The following COPS7A variants were observed in gnomAD, a reference collection of about 807,000 sequenced individuals.
The protein encoded by COPS7A is COP9 signalosome complex subunit 7a.
A neutral mutation model predicts 35.2 loss-of-function variants in COPS7A; 20 were observed. The observed-to-expected ratio is 0.57, with a 90% CI of 0.40 to 0.83. The LOEUF (loss-of-function observed/expected upper bound fraction) is 0.83, where lower values mean the gene tolerates loss of function less well. Ranked by LOEUF, COPS7A falls within the 40% of genes least tolerant of loss-of-function variation. COPS7A has a pLI of 0.00. For synonymous variants in COPS7A, 139 were observed against 141.4 expected (o/e 0.98, Z 0.12); for missense variants, 247 against 347.5 (o/e 0.71, Z 2.30).
chr12:6,728,778 C>T (rs933146707), intron 4 of COPS7A, among the ~76,000 whole-genome samples: 1 of 152,182 alleles, frequency 6.6e-6, no homozygotes, highest in Non-Finnish European at 1.5e-5. Context: ...TCTCAGTTGT[C>T]CTTGGGATTT....
chr12:6,724,967 A>G, intron 2 of COPS7A, 149 bp downstream of exon 2: 2 of 825,358 alleles, frequency 2.4e-6, no homozygotes, highest in Non-Finnish European at 3.8e-6. Context: ...AGAAGTAACC[A>G]GTGAACAAGC....
At chr12:6,725,361 G>T (rs367946776) in intron 2 of COPS7A, among the ~76,000 whole-genome samples, 1 of 152,050 alleles carries the variant, frequency 6.6e-6, no homozygotes, top group Non-Finnish European at 1.5e-5. Flanking sequence ...ATTTCACTGT[G>T]TTAGCCAGGA....
chr12:6,729,523 A>G lies in COPS7A; in HGVS notation c.530+74A>G. On this transcript the variant is annotated intron_variant, in intron 5 of 7. Transcript: ENST00000543155. This position sits in a 1 kb window ranked among gnomAD's most constrained non-coding sequence, Gnocchi z 4.2. ...AAGGCGCTTCAGGGTGAGAGAGGGC[A>G]GGAGCTGGGCTGGTCCGCAGAGGTG... is the stretch of plus-strand genomic sequence containing the variant. 1 of 1,469,554 alleles carries G rather than the reference A, an allele frequency of 6.8e-7. No individual in the cohort carries two copies. The highest frequency in any genetic ancestry group is 9.3e-7 in the Non-Finnish European group (1 of 1,079,024). The allele number at this position is 1,469,554 out of a possible 1,614,324, so 91.0% of individuals were successfully genotyped here. A position where few individuals can be genotyped will look rare whatever the true frequency, so the allele number is the denominator to read the frequency against.
chr12:6,728,769 C>T (rs1941318985), intron 4 of COPS7A, among the ~76,000 whole-genome samples: 1 of 152,208 alleles, frequency 6.6e-6, no homozygotes, highest in African/African-American at 2.4e-5. Context: ...TTACTTGACT[C>T]TCAGTTGTCC....
At position 6,731,331 on chromosome 12, in the gene COPS7A, A is replaced by G. The variant is rs748496068; in HGVS notation, c.*292A>G. The G allele has an allele frequency of 8.5e-6, 12 of 1,413,474 alleles. No homozygotes were observed. Among genetic ancestry groups the G allele is most frequent in the East Asian group, 2.5e-5 (1 of 39,398 alleles). The allele number at this position is 1,413,474 out of a possible 1,614,324, so 87.6% of individuals were successfully genotyped here. A position where few individuals can be genotyped will look rare whatever the true frequency, so the allele number is the denominator to read the frequency against. ...CTCAGCATCTGTCCCTGTTCATTAC[A>G]TGTCATTGAGTAGGTGGGTAGCCCT... On this transcript the variant is annotated 3_prime_UTR_variant, in exon 8 of 8. Coordinates refer to ENST00000543155, the MANE Select transcript of COPS7A (RefSeq NM_001164094.2).
Position 6,726,695 on chromosome 12 carries a change from A to T in COPS7A, c.163-1231A>T, listed in dbSNP as rs182983310. Among the ~76,000 whole-genome samples, 660 of 150,630 alleles carry T rather than the reference A, an allele frequency of 4.4e-3. 5 individuals are homozygous for T. Among genetic ancestry groups the T allele is most frequent in the Non-Finnish European group, 7.0e-3 (472 of 67,686 alleles). Reference sequence around the variant, plus strand: ...TTAAAAAAAAAAAAAAGGGAGGCGGAGGTTGCAGTGAGCCGAGGTCGCGCC... The same window carrying T: ...TTAAAAAAAAAAAAAAGGGAGGCGGTGGTTGCAGTGAGCCGAGGTCGCGCC... On this transcript the variant is annotated intron_variant, in intron 2 of 7. Coordinates refer to ENST00000543155, the MANE Select transcript of COPS7A (RefSeq NM_001164094.2).
At position 6,731,270 on chromosome 12, in the gene COPS7A, C is replaced by G; in HGVS notation, c.*231C>G. ...TGTGACTTCATGTGTTCCATTGCTC[C>G]CCGCTGCCATGCTCTCTCCCTTGTT... On this transcript the variant is annotated 3_prime_UTR_variant, in exon 8 of 8. Transcript: ENST00000543155. 6.9e-7 allele frequency: 1 copy of G among 1,443,190 alleles called. No individual in the cohort carries two copies. The highest frequency in any genetic ancestry group is 9.1e-7 in the Non-Finnish European group (1 of 1,100,604). The allele number at this position is 1,443,190 out of a possible 1,614,324, so 89.4% of individuals were successfully genotyped here.
chr12:6,730,575 A>G (rs929949885), intron 6 of COPS7A, 68 bp downstream of exon 6: 11 of 1,611,528 alleles, frequency 6.8e-6, no homozygotes, highest in Non-Finnish European at 8.5e-6. Flanking sequence ...TTGCAGAGAG[A>G]ATTTGGACAG....
intron 2 of COPS7A, among the ~76,000 whole-genome samples, chr12:6,726,119 C>T (rs1941246283): frequency 2.0e-5 from 3 of 151,880 alleles, no homozygotes; most frequent in Admixed American, 1.3e-4. Context: ...TGGAGACCAT[C>T]CTGGCTAACA....
chr12:6,726,958 C>T (rs1052443949), intron 2 of COPS7A, among the ~76,000 whole-genome samples: 2 of 152,196 alleles, frequency 1.3e-5, no homozygotes, highest in Non-Finnish European at 2.9e-5. Flanking sequence ...TACTGCATAG[C>T]TCTGTGGGAT....
rs1448661611 is a variant in COPS7A, at chr12:6,729,809, C to G, written c.530+360C>G. 6.6e-6 allele frequency among the ~76,000 whole-genome samples: 1 copy of G among 152,124 alleles called. No homozygotes were observed. Among genetic ancestry groups the G allele is most frequent in the Non-Finnish European group, 1.5e-5 (1 of 68,022 alleles). On this transcript the variant is annotated intron_variant, in intron 5 of 7. Transcript: ENST00000543155. The surrounding 1 kb of genome is among the most constrained non-coding windows in gnomAD (Gnocchi z 4.2). ...CCTCTTTTTTATTTTCTTTGTGTCC[C>G]CATCTAACTTCAGGGTTTCTGTATT...
Position 6,731,167 on chromosome 12 carries a change from T to C in COPS7A, c.*128T>C, listed in dbSNP as rs1941386934. ...TAGGTTCATGACCCTTCACCTCCCCTAACCCCAAACATAGATCACACCTTC... is the reference window on the plus strand; with the variant it reads ...TAGGTTCATGACCCTTCACCTCCCCCAACCCCAAACATAGATCACACCTTC... On this transcript the variant is annotated 3_prime_UTR_variant, in exon 8 of 8. Transcript: ENST00000543155. The C allele has an allele frequency of 6.3e-7, 1 of 1,581,618 alleles. No homozygotes were observed. The highest frequency in any genetic ancestry group is 8.6e-7 in the Non-Finnish European group (1 of 1,162,312).
chr12:6,724,336 C>T (rs1309958754), intron 1 of COPS7A, 157 bp downstream of exon 1: 3 of 460,430 alleles, frequency 6.5e-6, no homozygotes, highest in Admixed American at 2.7e-5. Context: ...TCAGGGTGGA[C>T]ACCATGCGAC....
intron 7 of COPS7A, 36 bp from the exon 8 acceptor site, chr12:6,730,964 C>A: frequency 6.3e-7 from 1 of 1,576,122 alleles, no homozygotes; most frequent in South Asian, 1.1e-5. Flanking sequence ...CCTGCATTCT[C>A]TCTCTCTCTC....
In COPS7A at chr12:6,730,519, G is replaced by C; in HGVS notation, c.636+12G>C. 1.2e-6 allele frequency: 2 copies of C among 1,613,962 alleles called. No individual in the cohort carries two copies. The highest frequency in any genetic ancestry group is 1.7e-6 in the Non-Finnish European group (2 of 1,179,892). On this transcript the variant is annotated intron_variant, in intron 6 of 7. Transcript: ENST00000543155. The stretch of plus-strand genomic sequence containing the variant: ...AGATTGAGAGTGAGGTGAGCAGTCA[G>C]GGGAGCAGGCAGACCCAAACTCCTC...
chr12:6,725,848 C>G, intron 2 of COPS7A: 1 of 456,084 alleles, frequency 2.2e-6, no homozygotes, highest in Middle Eastern at 3.3e-4. Context: ...CTGACTTTTC[C>G]CTGCTTTCAT....
intron 2 of COPS7A, chr12:6,726,030 CAG>C (rs1941244107): frequency 2.5e-6 from 1 of 403,116 alleles, no homozygotes; most frequent in Non-Finnish European, 5.0e-6. Flanking sequence ...AAAATACAAA[CAG>C]GGCTGGGCAC....
At chr12:6,725,601 T>C (rs983449117) in intron 2 of COPS7A, 4 of 455,942 alleles carry the variant, frequency 8.8e-6, no homozygotes, top group Non-Finnish European at 1.8e-5. Flanking sequence ...GTGCAGCATA[T>C]GCTAATCTAT....
chr12:6,729,541 C>A lies in COPS7A; in HGVS notation c.530+92C>A. The A allele has an allele frequency of 7.5e-7, 1 of 1,329,126 alleles. No individual in the cohort carries two copies. Among genetic ancestry groups the A allele is most frequent in the Non-Finnish European group, 1.0e-6 (1 of 965,506 alleles). 82.3% of individuals were successfully genotyped at this position (1,329,126 alleles called of 1,614,324 possible). A position where few individuals can be genotyped will look rare whatever the true frequency, so the allele number is the denominator to read the frequency against. On this transcript the variant is annotated intron_variant, in intron 5 of 7. Coordinates refer to ENST00000543155, the MANE Select transcript of COPS7A (RefSeq NM_001164094.2). This position sits in a 1 kb window ranked among gnomAD's most constrained non-coding sequence, Gnocchi z 4.2. The stretch of plus-strand genomic sequence containing the variant: ...AGAGGGCAGGAGCTGGGCTGGTCCG[C>A]AGAGGTGGAACCCAAGAGGATGAAG...
Sources: gnomAD v4.1 joint callset for allele counts (sites outside exome capture counted in the v4.1 genomes callset) on GRCh38, gnomAD v4.1.1 for gene constraint, Gnocchi (gnomAD v3.1) non-coding constraint, MANE v1.5 for transcripts, NCBI Gene and HGNC (gene_info 2026-07-23, HGNC 2026-07-21) for gene names.